Variants in ASCC3 observed in about 807,000 individuals in gnomAD.
The protein encoded by ASCC3 is activating signal cointegrator 1 complex subunit 3.
A neutral mutation model predicts 256.3 loss-of-function variants in ASCC3; 158 were observed. The observed-to-expected ratio is 0.62, with a 90% CI of 0.54 to 0.70. ASCC3 has a LOEUF of 0.70. Ranked by LOEUF, ASCC3 falls within the 30% of genes least tolerant of loss-of-function variation. The pLI, the probability that ASCC3 is intolerant of heterozygous loss-of-function variation, is 0.00. For synonymous variants in ASCC3, 948 were observed against 883.4 expected, an observed-to-expected ratio of 1.07 and a Z score of -1.30; for missense variants, 2,259 against 2,626.0, an observed-to-expected ratio of 0.86 and a Z score of 3.05.
At chr6:100,824,934 T>TA (rs1374600867) in intron 4 of ASCC3, among the ~76,000 whole-genome samples, 1 of 151,998 alleles carries the variant, frequency 6.6e-6, no homozygotes, top group Non-Finnish European at 1.5e-5. Context: ...TTAATGTGAA[T>TA]AAAAAATACA....
rs551150444 is a variant in ASCC3, at chr6:100,690,394, C to T, written c.2152-10642G>A. ...GAGCCAACTGTAATGTACTACTGAA[C>T]AAGAATAAAGGAAGCATCCTTACTT... On this transcript the variant is annotated intron_variant, in intron 13 of 41. Transcript: ENST00000369162. Among the ~76,000 whole-genome samples, 16 of 151,786 alleles carry T rather than the reference C, an allele frequency of 1.1e-4. No homozygotes were observed. In the East Asian group the frequency reaches 3.1e-3, roughly 29 times the overall value.
chr6:100,715,604 T>C, intron 12 of ASCC3, 71 bp from the exon 13 acceptor site: 1 of 1,396,850 alleles, frequency 7.2e-7, no homozygotes. Flanking sequence ...AATAAAATTT[T>C]GCCAATTACA....
At chr6:100,879,444 AT>A (rs1769171463) in intron 1 of ASCC3, among the ~76,000 whole-genome samples, 1 of 152,186 alleles carries the variant, frequency 6.6e-6, no homozygotes, top group Non-Finnish European at 1.5e-5. Flanking sequence ...ACCAGCCCCC[AT>A]CCTGAAGCTA....
In ASCC3 at chr6:100,522,986, T is replaced by C. The variant is rs535704819; in HGVS notation, c.5776-4844A>G. On this transcript the variant is annotated intron_variant, in intron 37 of 41. Transcript: ENST00000369162. ...GGCTCTAAATTAGAATTAAGGATTC[T>C]CTGAGGAATGTGCATACTAGATAAA... 1.0e-3 allele frequency among the ~76,000 whole-genome samples: 148 copies of C among 145,864 alleles called. 1 individual carries two copies. The highest frequency in any genetic ancestry group is 2.7e-3 in the South Asian group (12 of 4,374).
chr6:100,536,106 C>T (rs1268356483), intron 37 of ASCC3, among the ~76,000 whole-genome samples: 1 of 152,142 alleles, frequency 6.6e-6, no homozygotes. Context: ...GAACTGTAAA[C>T]AACTACTGCA....
intron 37 of ASCC3, chr6:100,530,294 T>C: frequency 4.2e-6 from 6 of 1,425,578 alleles, no homozygotes; most frequent in Admixed American, 3.4e-5. Context: ...GTTGAAATCA[T>C]CGCAGAAGGA....
Position 100,516,234 on chromosome 6 carries a change from G to A in ASCC3, c.6021C>T (p.Asp2007=). The A allele has an allele frequency of 6.2e-7, 1 of 1,613,506 alleles. No individual in the cohort carries two copies. The highest frequency in any genetic ancestry group is 8.5e-7 in the Non-Finnish European group (1 of 1,179,704). The change falls in exon 39 of 42, where the codon GAC becomes GAT. Residue 2007 remains aspartate, a synonymous_variant. Coordinates refer to ENST00000369162, the MANE Select transcript of ASCC3 (RefSeq NM_006828.4). ...PELIHACGGK[D]HVFSSMVESE... ...TTTCTACCATGGAGCTAAATACATG[G>A]TCTTTCCCTCCACAGGCATGGATCA...
At chr6:100,735,387 T>C (rs925282480) in intron 10 of ASCC3, among the ~76,000 whole-genome samples, 7 of 152,210 alleles carry the variant, frequency 4.6e-5, no homozygotes, top group African/African-American at 1.4e-4. Context: ...TAACTACTAG[T>C]TTATTATGAG....
chr6:100,738,266 T>C (rs1334803771), intron 10 of ASCC3, among the ~76,000 whole-genome samples: 1 of 152,254 alleles, frequency 6.6e-6, no homozygotes, highest in Non-Finnish European at 1.5e-5. Flanking sequence ...CAATTGCTTT[T>C]GGCATTTTTG....
chr6:100,684,255 TA>T (rs1309402590), intron 13 of ASCC3, among the ~76,000 whole-genome samples: 1 of 152,138 alleles, frequency 6.6e-6, no homozygotes, highest in Non-Finnish European at 1.5e-5. Context: ...AGAACACAGA[TA>T]AAGAGTTACA....
chr6:100,509,377 C>G lies in ASCC3; in HGVS notation c.*9G>C, dbSNP rs1300699800. On this transcript the variant is annotated 3_prime_UTR_variant, in exon 42 of 42. Transcript: ENST00000369162. ...AGCCACTCCTTTCAAATGGATTGTT[C>G]AGGTCAAGTTACTTTAATGCCAGGT... 1 of 1,613,960 alleles carries G rather than the reference C, an allele frequency of 6.2e-7. No homozygotes were observed. Among genetic ancestry groups the G allele is most frequent in the Non-Finnish European group, 8.5e-7 (1 of 1,179,922 alleles).
At chr6:100,855,585 A>G (rs1197269709) in intron 3 of ASCC3, among the ~76,000 whole-genome samples, 2 of 152,226 alleles carry the variant, frequency 1.3e-5, no homozygotes, top group African/African-American at 4.8e-5. Context: ...TCTTTGAAAC[A>G]TTCAAAACAC....
chr6:100,786,909 T>A (rs914660761), intron 8 of ASCC3, among the ~76,000 whole-genome samples: 1 of 152,188 alleles, frequency 6.6e-6, no homozygotes, highest in African/African-American at 2.4e-5. Context: ...AGTTAACTGA[T>A]TATCTATATT....
intron 10 of ASCC3, among the ~76,000 whole-genome samples, chr6:100,732,918 T>G (rs1779976842): frequency 6.6e-6 from 1 of 152,050 alleles, no homozygotes; most frequent in Non-Finnish European, 1.5e-5. Flanking sequence ...TCCATTTCCC[T>G]TCCATTTCCT....
At chr6:100,797,613 C>T (rs1769695654) in intron 8 of ASCC3, among the ~76,000 whole-genome samples, 1 of 151,672 alleles carries the variant, frequency 6.6e-6, no homozygotes, top group South Asian at 2.1e-4. Flanking sequence ...TATTGGCTGT[C>T]AGTCCTGGCT....
chr6:100,687,265 T>G (rs901515598), intron 13 of ASCC3, among the ~76,000 whole-genome samples: 8 of 152,092 alleles, frequency 5.3e-5, no homozygotes, highest in African/African-American at 1.9e-4. Context: ...AAAACGGGAT[T>G]TGGTGGGGGA....
At chr6:100,708,920 T>G (rs1173830001) in intron 13 of ASCC3, among the ~76,000 whole-genome samples, 6 of 152,044 alleles carry the variant, frequency 3.9e-5, no homozygotes, top group Non-Finnish European at 8.8e-5. Context: ...ATACATGTGT[T>G]ATTGCAATCG....
intron 36 of ASCC3, among the ~76,000 whole-genome samples, chr6:100,545,428 G>A (rs775369864): frequency 1.1e-4 from 16 of 151,972 alleles, no homozygotes; most frequent in Non-Finnish European, 1.8e-4. Context: ...TGCATGCCTC[G>A]GCCTCCCAAA....
At chr6:100,609,933 A>T (rs1773308893) in intron 30 of ASCC3, among the ~76,000 whole-genome samples, 1 of 152,150 alleles carries the variant, frequency 6.6e-6, no homozygotes, top group Non-Finnish European at 1.5e-5. Flanking sequence ...AAAAAAAGAA[A>T]GTCCAGTTTC....
Sources: allele counts gnomAD v4.1 joint callset (sites outside exome capture counted in the v4.1 genomes callset), GRCh38; gene constraint gnomAD v4.1.1; transcripts MANE v1.5; gene names NCBI Gene and HGNC (gene_info 2026-07-23, HGNC 2026-07-21).